SGCZ: variants seen among roughly 807,000 people sequenced by gnomAD.
SGCZ encodes the protein zeta-sarcoglycan.
SGCZ carries 40 observed loss-of-function variants against 41.3 expected under a neutral mutation model. The ratio of observed to expected loss-of-function variants is 0.97; its 90% CI spans 0.75 to 1.26. SGCZ has a LOEUF of 1.26. Among genes scored for constraint, SGCZ ranks in the 50% most tolerant of loss-of-function variants. The pLI, the probability that SGCZ is intolerant of heterozygous loss-of-function variation, is 0.00. For missense variants in SGCZ, 552 were observed against 369.8 expected (o/e 1.49, Z -4.04); for synonymous variants, 206 against 137.5 (o/e 1.50, Z -3.49).
chr8:14,167,812 TAATC>T (rs1804253927), intron 4 of SGCZ, among the ~76,000 whole-genome samples: 1 of 152,160 alleles, frequency 6.6e-6, no homozygotes, highest in African/African-American at 2.4e-5. Context: ...GTTGCAGTCT[TAATC>T]AACAGCCAAA....
At chr8:15,122,162 A>T (rs2116953216) in intron 1 of SGCZ, among the ~76,000 whole-genome samples, 1 of 151,104 alleles carries the variant, frequency 6.6e-6, no homozygotes, top group East Asian at 2.0e-4. Flanking sequence ...GGACATACTC[A>T]ACCCCAAACC....
intron 2 of SGCZ, among the ~76,000 whole-genome samples, chr8:14,477,168 A>G (rs1399036597): frequency 6.6e-6 from 1 of 152,190 alleles, no homozygotes; most frequent in Non-Finnish European, 1.5e-5. Flanking sequence ...GATTATAAAC[A>G]TCAATATTTA....
intron 4 of SGCZ, among the ~76,000 whole-genome samples, chr8:14,198,327 C>T (rs1301987756): frequency 6.6e-6 from 1 of 152,082 alleles, no homozygotes; most frequent in East Asian, 1.9e-4. Flanking sequence ...TATTATACTC[C>T]ATGATAGACC....
At chr8:14,962,139 T>C (rs1277564800) in intron 1 of SGCZ, among the ~76,000 whole-genome samples, 1 of 152,172 alleles carries the variant, frequency 6.6e-6, no homozygotes, top group Non-Finnish European at 1.5e-5. Flanking sequence ...ACATCAAGTG[T>C]ATCATGAAAT....
At chr8:15,113,361 T>C (rs923173388) in intron 1 of SGCZ, among the ~76,000 whole-genome samples, 1 of 152,176 alleles carries the variant, frequency 6.6e-6, no homozygotes, top group African/African-American at 2.4e-5. Context: ...ATAAATCCCA[T>C]TGCATCTTCT....
At chr8:15,203,061 G>C (rs1228447161) in intron 1 of SGCZ, among the ~76,000 whole-genome samples, 1 of 151,866 alleles carries the variant, frequency 6.6e-6, no homozygotes, top group East Asian at 1.9e-4. Flanking sequence ...AGTGAGTTGA[G>C]ACCATGTCAT....
chr8:15,100,123 A>G (rs1259859535), intron 1 of SGCZ, among the ~76,000 whole-genome samples: 2 of 152,212 alleles, frequency 1.3e-5, no homozygotes, highest in Non-Finnish European at 2.9e-5. Context: ...CAGGAAAAGG[A>G]AATTAAAGAT....
At chr8:15,046,512 A>T (rs1563464838) in intron 1 of SGCZ, among the ~76,000 whole-genome samples, 1 of 151,990 alleles carries the variant, frequency 6.6e-6, no homozygotes, top group Non-Finnish European at 1.5e-5. Context: ...GCCAGTTTGC[A>T]GTGTTCTTTT....
At chr8:15,038,667 G>C (rs868438321) in intron 1 of SGCZ, among the ~76,000 whole-genome samples, 3 of 151,738 alleles carry the variant, frequency 2.0e-5, no homozygotes, top group South Asian at 4.2e-4. Context: ...ACAGTGATAA[G>C]ACAACCCAGA....
intron 7 of SGCZ, among the ~76,000 whole-genome samples, chr8:14,097,729 C>T (rs912843428): frequency 3.3e-5 from 5 of 152,064 alleles, no homozygotes; most frequent in African/African-American, 9.7e-5. Context: ...GTCTAGGTCT[C>T]TTTGTAGGTC....
At chr8:14,117,043 G>T (rs1403809821) in intron 5 of SGCZ, among the ~76,000 whole-genome samples, 5 of 152,038 alleles carry the variant, frequency 3.3e-5, no homozygotes, top group African/African-American at 1.2e-4. Context: ...ATGGTAACCT[G>T]TGTTTTAAAG....
intron 1 of SGCZ, among the ~76,000 whole-genome samples, chr8:14,734,738 GCTGT>G (rs764005113): frequency 3.3e-5 from 5 of 152,032 alleles, no homozygotes; most frequent in African/African-American, 4.8e-5. Flanking sequence ...AACAAGAAAA[GCTGT>G]CTATTATTAT....
intron 6 of SGCZ, among the ~76,000 whole-genome samples, chr8:14,106,962 A>G (rs1478276527): frequency 1.3e-5 from 2 of 152,156 alleles, no homozygotes; most frequent in African/African-American, 2.4e-5. Context: ...CACGCCTGTA[A>G]TCCCAGCACT....
intron 6 of SGCZ, among the ~76,000 whole-genome samples, 191 bp downstream of exon 6, chr8:14,107,972 C>A (rs1158849460): frequency 1.3e-5 from 2 of 152,060 alleles, no homozygotes; most frequent in African/African-American, 4.8e-5. Context: ...TAGTTCTTCT[C>A]ACTTACTGTA....
At chr8:14,608,119 A>T (rs1259151860) in intron 1 of SGCZ, among the ~76,000 whole-genome samples, 2 of 152,214 alleles carry the variant, frequency 1.3e-5, no homozygotes, top group Non-Finnish European at 2.9e-5. Flanking sequence ...CAACCAGAAC[A>T]AAAAGATAAT....
chr8:14,603,999 A>T (rs1223963863), intron 1 of SGCZ, among the ~76,000 whole-genome samples: 1 of 152,178 alleles, frequency 6.6e-6, no homozygotes, highest in Non-Finnish European at 1.5e-5. Flanking sequence ...AACTGCCCTA[A>T]AAGTAATTCA....
intron 2 of SGCZ, among the ~76,000 whole-genome samples, chr8:14,509,634 T>A (rs28559774): frequency 0.016 from 2,440 of 152,224 alleles, 62 homozygotes; most frequent in African/African-American, 0.056. Context: ...GTGAGATGGA[T>A]GTAGAGGCCT....
rs73521070 is a variant in SGCZ at position 15,027,101 on chromosome 8, G to T, written c.39+210484C>A. ...CTGGCTATATGCCACAAATATGGCA[G>T]CTTTCTCAGACCATTGTATCTCTGA... On this transcript the variant is annotated intron_variant, in intron 1 of 7. Coordinates refer to ENST00000382080, the MANE Select transcript of SGCZ (RefSeq NM_139167.4). Among the ~76,000 whole-genome samples, 351 of 152,260 alleles carry T rather than the reference G, an allele frequency of 2.3e-3. 1 individual carries two copies. The highest frequency in any genetic ancestry group is 7.8e-3 in the African/African-American group (325 of 41,570).
intron 2 of SGCZ, among the ~76,000 whole-genome samples, chr8:14,390,922 A>C (rs1585441933): frequency 6.6e-6 from 1 of 152,108 alleles, no homozygotes; most frequent in African/African-American, 2.4e-5. Flanking sequence ...AAATCAGAGA[A>C]ATAAAGTTTA....
Sources: allele counts gnomAD v4.1 joint callset (sites outside exome capture counted in the v4.1 genomes callset), GRCh38; gene constraint gnomAD v4.1.1; transcripts MANE v1.5; gene names NCBI Gene and HGNC (gene_info 2026-07-23, HGNC 2026-07-21).